Variants in CLIC2 observed in about 807,000 individuals in gnomAD.
CLIC2 encodes the protein CLIC family member 2.
Under a neutral mutation model 14.8 loss-of-function variants are expected in CLIC2, and 9 were observed. That is an observed-to-expected ratio of 0.61 (90% CI 0.37 to 1.06). The LOEUF (loss-of-function observed/expected upper bound fraction) is 1.06. Ranked by LOEUF, CLIC2 falls within the 50% of genes least tolerant of loss-of-function variation. The pLI, the probability that CLIC2 is intolerant of heterozygous loss-of-function variation, is 0.01. For synonymous variants in CLIC2, 61 were observed against 66.3 expected (o/e 0.92, Z 0.39); for missense variants, 148 against 181.4 (o/e 0.82, Z 1.06).
At chrX:155,330,918 C>G (rs2075154595) in intron 1 of CLIC2, among the ~76,000 whole-genome samples, 1 of 110,598 alleles carries the variant, frequency 9.0e-6, no homozygotes, top group Non-Finnish European at 1.9e-5. Flanking sequence ...AAAGGTACTT[C>G]ATCTTACGGC....
chrX:155,284,852 G>A (rs1010152339), intron 3 of CLIC2, among the ~76,000 whole-genome samples: 55 of 112,021 alleles, frequency 4.9e-4, no homozygotes, highest in African/African-American at 1.8e-3. Context: ...CCATTTTTAA[G>A]ACTATTGATG....
chrX:155,280,199 T>C, intron 3 of CLIC2, 131 bp from the exon 4 acceptor site: 2 of 483,462 alleles, frequency 4.1e-6, no homozygotes, highest in South Asian at 6.0e-5. Context: ...TAGAAGTCTC[T>C]CAGTAGAAGT....
chrX:155,300,589 C>T (rs1230682375), intron 1 of CLIC2, among the ~76,000 whole-genome samples: 1 of 110,802 alleles, frequency 9.0e-6, no homozygotes, highest in Non-Finnish European at 1.9e-5. Flanking sequence ...GAATTAGATC[C>T]CATTTGTCAA....
intron 3 of CLIC2, chrX:155,292,958 T>G (rs1346763628): frequency 2.4e-5 from 26 of 1,064,681 alleles, no homozygotes; most frequent in Non-Finnish European, 3.0e-5. Flanking sequence ...CCAGTGGCTC[T>G]CATCCCCGGA....
In CLIC2 at chrX:155,280,122, G is replaced by T. The variant is rs1254315384; in HGVS notation, c.294-54C>A. 7.1e-6 allele frequency: 6 copies of T among 843,210 alleles called. No homozygotes were observed. The East Asian group carries it at 1.9e-4, about 27-fold the overall frequency. 69.5% of individuals were successfully genotyped at this position (843,210 alleles called of 1,213,427 possible). On this transcript the variant is annotated intron_variant, in intron 3 of 5. Transcript: ENST00000369449. The stretch of plus-strand genomic sequence containing the variant: ...TTTGCACATAACATGACAGAGACCA[G>T]GTGCCCTAGCTTGCACTATACTGAA...
At chrX:155,322,202 CA>C (rs1243879942) in intron 1 of CLIC2, among the ~76,000 whole-genome samples, 3 of 111,405 alleles carry the variant, frequency 2.7e-5, no homozygotes, top group Non-Finnish European at 5.7e-5. Flanking sequence ...CCGGACCAAG[CA>C]GACCGAATAG....
At chrX:155,285,434 C>T (rs1024937578) in intron 3 of CLIC2, among the ~76,000 whole-genome samples, 3 of 111,539 alleles carry the variant, frequency 2.7e-5, no homozygotes, top group African/African-American at 6.5e-5. Context: ...GACTTTAAGC[C>T]GACTGTAGTA....
intron 1 of CLIC2, among the ~76,000 whole-genome samples, chrX:155,312,975 C>A (rs1381583860): frequency 3.6e-5 from 4 of 110,639 alleles, no homozygotes; most frequent in Non-Finnish European, 5.7e-5. Flanking sequence ...GTTCAACACC[C>A]CTGATAATTA....
In CLIC2 at chrX:155,306,635, C is replaced by A. The variant is rs781900800; in HGVS notation, c.58-7490G>T. Among the ~76,000 whole-genome samples the A allele has an allele frequency of 2.7e-5, 3 of 111,252 alleles. No homozygotes were observed. In the East Asian group the frequency reaches 8.5e-4, roughly 31 times the overall value. On this transcript the variant is annotated intron_variant, in intron 1 of 5. Transcript: ENST00000369449. ...TCTGCTGGCTGTACAAACATGGCAC[C>A]AGCATCTGCTCAGCTTCTGGGGAGG...
intron 3 of CLIC2, among the ~76,000 whole-genome samples, chrX:155,296,530 A>C (rs782156353): frequency 2.7e-5 from 3 of 111,983 alleles, no homozygotes; most frequent in Non-Finnish European, 5.7e-5. Context: ...GTAAACTAAA[A>C]AGCTTCTGCA....
chrX:155,320,821 G>T (rs957685143), intron 1 of CLIC2, among the ~76,000 whole-genome samples: 15 of 111,324 alleles, frequency 1.3e-4, no homozygotes, highest in Non-Finnish European at 2.4e-4. Flanking sequence ...CTTGAAAAAA[G>T]GTTAGGCAAA....
At chrX:155,298,536 T>TG (rs2075002815) in intron 3 of CLIC2, among the ~76,000 whole-genome samples, 3 of 112,387 alleles carry the variant, frequency 2.7e-5, no homozygotes, top group Non-Finnish European at 1.9e-5. Context: ...TCCTACTCTA[T>TG]TTCTAGAGCA....
intron 1 of CLIC2, among the ~76,000 whole-genome samples, chrX:155,310,849 G>A (rs1387114402): frequency 8.9e-6 from 1 of 112,540 alleles, no homozygotes; most frequent in African/African-American, 3.2e-5. Flanking sequence ...TGCACTGCAG[G>A]CTCAACACCA....
intron 1 of CLIC2, among the ~76,000 whole-genome samples, chrX:155,319,846 C>A (rs1012880937): frequency 8.9e-6 from 1 of 112,057 alleles, no homozygotes; most frequent in Non-Finnish European, 1.9e-5. Context: ...AGTCTGAAGT[C>A]GACCTGGGAT....
chrX:155,314,713 C>T (rs781852567), intron 1 of CLIC2, among the ~76,000 whole-genome samples: 9 of 111,545 alleles, frequency 8.1e-5, no homozygotes, highest in Non-Finnish European at 1.5e-4. Flanking sequence ...GCAATGGATC[C>T]AAACCAAGAT....
intron 1 of CLIC2, among the ~76,000 whole-genome samples, chrX:155,300,219 T>C (rs373319843): frequency 7.3e-5 from 8 of 110,344 alleles, no homozygotes; most frequent in South Asian, 4.0e-4. Flanking sequence ...CCTATTTCTC[T>C]ACATCCTCTC....
intron 3 of CLIC2, chrX:155,290,393 T>A: frequency 2.1e-6 from 1 of 466,328 alleles, no homozygotes. Context: ...GGGCCCCTAA[T>A]TAGTCTTCGA....
At chrX:155,281,363 TA>T (rs1469408591) in intron 3 of CLIC2, among the ~76,000 whole-genome samples, 2 of 110,344 alleles carry the variant, frequency 1.8e-5, no homozygotes, top group Non-Finnish European at 3.8e-5. Flanking sequence ...TCTTACCATA[TA>T]AAAAAGATAA....
chrX:155,332,709 T>G (rs1160142523), intron 1 of CLIC2, among the ~76,000 whole-genome samples: 2 of 112,140 alleles, frequency 1.8e-5, no homozygotes, highest in African/African-American at 6.5e-5. Flanking sequence ...TTGGTTCCTT[T>G]GAAAGTTATT....
Sources: allele counts gnomAD v4.1 joint callset (sites outside exome capture counted in the v4.1 genomes callset), GRCh38; gene constraint gnomAD v4.1.1; transcripts MANE v1.5; gene names NCBI Gene and HGNC (gene_info 2026-07-23, HGNC 2026-07-21).